The following KDM3B variants were observed in gnomAD, a reference collection of about 807,000 sequenced individuals.
KDM3B encodes lysine demethylase 3B, also known as lysine-specific demethylase 3B.
KDM3B carries 10 observed loss-of-function variants against 170.0 expected under a neutral mutation model. That is an observed-to-expected ratio of 0.06 (90% CI 0.04 to 0.10). KDM3B has a LOEUF of 0.10. Ranked by LOEUF, KDM3B falls within the 10% of genes least tolerant of loss-of-function variation. KDM3B has a pLI of 1.00. For synonymous variants in KDM3B, 831 were observed against 834.8 expected, an observed-to-expected ratio of 1.00 and a Z score of 0.08; for missense variants, 1,394 against 2,195.2, an observed-to-expected ratio of 0.64 and a Z score of 7.29.
chr5:138,367,734 G>C (rs1761777196), intron 1 of KDM3B, among the ~76,000 whole-genome samples: 1 of 152,140 alleles, frequency 6.6e-6, no homozygotes, highest in Non-Finnish European at 1.5e-5. Flanking sequence ...AATTATCTCA[G>C]TGGGGCATGA....
At chr5:138,374,726 A>G (rs1470124428) in intron 2 of KDM3B, among the ~76,000 whole-genome samples, 1 of 152,232 alleles carries the variant, frequency 6.6e-6, no homozygotes, top group East Asian at 1.9e-4. Context: ...AAATTTCACA[A>G]AGATTTCAAG....
At chr5:138,356,864 G>T (rs770887355) in intron 1 of KDM3B, among the ~76,000 whole-genome samples, 1 of 151,896 alleles carries the variant, frequency 6.6e-6, no homozygotes, top group East Asian at 1.9e-4. Flanking sequence ...GGATGGTCTC[G>T]ATCTCCTGAC....
intron 9 of KDM3B, among the ~76,000 whole-genome samples, chr5:138,396,804 G>A (rs1162921467): frequency 6.6e-6 from 1 of 152,090 alleles, no homozygotes; most frequent in Non-Finnish European, 1.5e-5. Flanking sequence ...ATGAAAATAG[G>A]CATCTAGAAG....
chr5:138,379,454 T>C, intron 4 of KDM3B, 130 bp from the exon 5 acceptor site: 1 of 718,702 alleles, frequency 1.4e-6, no homozygotes, highest in African/African-American at 1.9e-5. Context: ...ATTGCTCATT[T>C]GTTCAGTTCT....
intron 10 of KDM3B, 101 bp from the exon 11 acceptor site, chr5:138,399,759 T>G: frequency 9.5e-7 from 1 of 1,053,904 alleles, no homozygotes. Context: ...TCTTTGAGTT[T>G]TATTGCTGAA....
At chr5:138,375,403 A>C (rs932760734) in intron 3 of KDM3B, among the ~76,000 whole-genome samples, 197 bp downstream of exon 3, 2 of 151,078 alleles carry the variant, frequency 1.3e-5, no homozygotes, top group African/African-American at 4.9e-5. Flanking sequence ...TTTGAGACAG[A>C]GTCTCGATAT....
chr5:138,376,760 T>A (rs1561763744), intron 3 of KDM3B, among the ~76,000 whole-genome samples: 1 of 151,548 alleles, frequency 6.6e-6, no homozygotes, highest in Non-Finnish European at 1.5e-5. Flanking sequence ...GGTGGCTGTT[T>A]GTGTAACTTG....
chr5:138,379,778 A>T lies in KDM3B; in HGVS notation c.705+70A>T, dbSNP rs1762082812. On this transcript the variant is annotated intron_variant, in intron 5 of 23. Transcript: ENST00000314358. ...AAGAGGATGGTTTAGATAGGCGAGCACTTCATTATGTGTAAGATGACTTGG... is the reference window on the plus strand; with the variant it reads ...AAGAGGATGGTTTAGATAGGCGAGCTCTTCATTATGTGTAAGATGACTTGG... 9 of 1,442,246 alleles carry T rather than the reference A, an allele frequency of 6.2e-6. No individual in the cohort carries two copies. The East Asian group carries it at 2.2e-4, about 36-fold the overall frequency. 89.3% of individuals were successfully genotyped at this position (1,442,246 alleles called of 1,614,324 possible). A position where few individuals can be genotyped will look rare whatever the true frequency, so the allele number is the denominator to read the frequency against.
chr5:138,427,127 A>G, intron 18 of KDM3B, 62 bp downstream of exon 18: 2 of 1,606,644 alleles, frequency 1.2e-6, no homozygotes, highest in Non-Finnish European at 1.7e-6. Flanking sequence ...AGAAAAGTGA[A>G]ATTTGTCTAT....
intron 1 of KDM3B, among the ~76,000 whole-genome samples, chr5:138,371,791 C>G (rs1761881308): frequency 6.6e-6 from 1 of 152,102 alleles, no homozygotes; most frequent in South Asian, 2.1e-4. Flanking sequence ...ACAGCAAGAC[C>G]CTATCTCTAC....
At chr5:138,422,122 C>T (rs1002932747) in intron 15 of KDM3B, among the ~76,000 whole-genome samples, 1 of 152,154 alleles carries the variant, frequency 6.6e-6, no homozygotes, top group African/African-American at 2.4e-5. Context: ...TTTAAAATTC[C>T]ATCACACTGT....
chr5:138,412,307 G>A (rs1730196616), intron 11 of KDM3B, among the ~76,000 whole-genome samples: 1 of 151,644 alleles, frequency 6.6e-6, no homozygotes, highest in South Asian at 2.1e-4. Flanking sequence ...CTGCACTCCA[G>A]CCTGGGCAAA....
intron 16 of KDM3B, 103 bp downstream of exon 16, chr5:138,424,444 G>A: frequency 7.3e-7 from 1 of 1,360,960 alleles, no homozygotes; most frequent in Non-Finnish European, 1.0e-6. Context: ...TTTAGACATA[G>A]TGAGGTTATT....
At position 138,408,329 on chromosome 5, in the gene KDM3B, T is replaced by C. The variant is rs986181446; in HGVS notation, c.3200-6803T>C. On this transcript the variant is annotated intron_variant, in intron 11 of 23. Transcript: ENST00000314358. Reference sequence around the variant, plus strand: ...CTCTCACGAGAGAGAGCTGTTTTACTTTCTCTTTCTTTCTTTTTTTTTTCT... The same window carrying C: ...CTCTCACGAGAGAGAGCTGTTTTACCTTCTCTTTCTTTCTTTTTTTTTTCT... Among the ~76,000 whole-genome samples, 3 of 151,506 alleles carry C rather than the reference T, an allele frequency of 2.0e-5. No homozygotes were observed. The East Asian group carries it at 5.8e-4, about 29-fold the overall frequency.
chr5:138,358,951 A>G (rs1293905806), intron 1 of KDM3B, among the ~76,000 whole-genome samples: 2 of 61,152 alleles, frequency 3.3e-5, no homozygotes, highest in African/African-American at 1.3e-4. Context: ...CCCTCCCCCT[A>G]CCCCACAACA....
chr5:138,399,004 T>C (rs1762614001), intron 10 of KDM3B, among the ~76,000 whole-genome samples: 1 of 148,490 alleles, frequency 6.7e-6, no homozygotes, highest in South Asian at 2.2e-4. Flanking sequence ...TTCTCCTGCC[T>C]CACCCTCCTG....
At position 138,372,839 on chromosome 5, in the gene KDM3B, C is replaced by T; in HGVS notation, c.358C>T (p.Leu120=). ...AGTCTCCATTGCACAATGGCCAGCC[C>T]TGGTGAGTGGCTTTTACTGGGTGGG... ...IRVSIAQWPA[L]TFTPLVDKLG... The change falls in exon 2 of 24, where the codon CTG becomes TTG. Residue 120 remains leucine (L), a splice_region_variant and synonymous_variant. Transcript: ENST00000314358. 1 of 1,612,340 alleles carries T rather than the reference C, an allele frequency of 6.2e-7. No individual in the cohort carries two copies. Among genetic ancestry groups the T allele is most frequent in the Non-Finnish European group, 8.5e-7 (1 of 1,179,094 alleles).
chr5:138,362,573 CACACACACACACAA>C (rs1315243403), intron 1 of KDM3B, among the ~76,000 whole-genome samples: 23 of 130,240 alleles, frequency 1.8e-4, no homozygotes, highest in South Asian at 3.0e-4. Context: ...CACACACACA[CACACACACACACAA>C]AATATCTTAA....
chr5:138,356,260 G>C (rs533653733), intron 1 of KDM3B, among the ~76,000 whole-genome samples: 2 of 152,088 alleles, frequency 1.3e-5, no homozygotes, highest in Non-Finnish European at 2.9e-5. Flanking sequence ...GAAATGGTTC[G>C]GTTAAGAAGT....
Sources: gnomAD v4.1 joint callset for allele counts (sites outside exome capture counted in the v4.1 genomes callset) on GRCh38, gnomAD v4.1.1 for gene constraint, MANE v1.5 for transcripts, NCBI Gene and HGNC (gene_info 2026-07-23, HGNC 2026-07-21) for gene names.